CNNM2: variants seen among roughly 807,000 people sequenced by gnomAD.
CNNM2 encodes the protein cyclin and CBS domain divalent metal cation transport mediator 2.
In CNNM2, 12 loss-of-function variants were observed where a neutral mutation model predicts 66.9. That is an observed-to-expected ratio of 0.18 (90% confidence interval 0.11 to 0.29). The LOEUF (loss-of-function observed/expected upper bound fraction) is 0.29, where lower values mean the gene tolerates loss of function less well. Ranked by LOEUF, CNNM2 falls within the 10% of genes least tolerant of loss-of-function variation. CNNM2 has a pLI of 1.00. For missense variants in CNNM2, 705 were observed against 1,167.7 expected, an observed-to-expected ratio of 0.60 and a Z score of 5.77; for synonymous variants, 557 against 501.8, an observed-to-expected ratio of 1.11 and a Z score of -1.47.
intron 1 of CNNM2, among the ~76,000 whole-genome samples, chr10:102,926,494 C>T (rs908699189): frequency 3.3e-5 from 5 of 152,096 alleles, no homozygotes; most frequent in African/African-American, 9.7e-5. Flanking sequence ...ATATCATCAA[C>T]CAAGAAAACC....
intron 1 of CNNM2, among the ~76,000 whole-genome samples, chr10:103,028,637 G>T (rs2064753975): frequency 6.6e-6 from 1 of 151,950 alleles, no homozygotes; most frequent in Non-Finnish European, 1.5e-5. Context: ...ATTCCTCTGG[G>T]AAATGGTTGC....
At chr10:103,027,829 T>C (rs1354129883) in intron 1 of CNNM2, among the ~76,000 whole-genome samples, 1 of 152,178 alleles carries the variant, frequency 6.6e-6, no homozygotes, top group African/African-American at 2.4e-5. Flanking sequence ...CCAGGCACTA[T>C]TTAAATTGTT....
At chr10:103,056,660 A>G in intron 3 of CNNM2, 135 bp from the exon 4 acceptor site, 1 of 816,538 alleles carries the variant, frequency 1.2e-6, no homozygotes, top group Non-Finnish European at 2.0e-6. Context: ...TGGATCACCA[A>G]ACGGAAGCCT....
chr10:102,974,225 T>G (rs1460477376), intron 1 of CNNM2, among the ~76,000 whole-genome samples: 1 of 152,214 alleles, frequency 6.6e-6, no homozygotes, highest in East Asian at 1.9e-4. Flanking sequence ...ATCAGTCTTT[T>G]ACCCTAAACA....
rs190034820 is a variant in CNNM2 at position 103,042,135 on chromosome 10, A to G, written c.1622-7572A>G. ...GGCAGCTCTGTTCCTCTCATTGCTC[A>G]GGCCAAAAAGCAAGTCAGCCTGACT... On this transcript the variant is annotated intron_variant, in intron 1 of 7. Coordinates refer to ENST00000369878, the MANE Select transcript of CNNM2 (RefSeq NM_017649.5). Among the ~76,000 whole-genome samples the G allele has an allele frequency of 1.1e-3, 175 of 152,282 alleles. 1 individual carries two copies. The highest frequency in any genetic ancestry group is 4.0e-3 in the African/African-American group (168 of 41,556).
In CNNM2 at chr10:103,081,734, A is replaced by G. The variant is rs1590522268; in HGVS notation, c.*4554A>G. 6.6e-6 allele frequency: 1 copy of G among 152,126 alleles called. No homozygotes were observed. 9.4% of individuals were successfully genotyped at this position (152,126 alleles called of 1,614,324 possible). On this transcript the variant is annotated 3_prime_UTR_variant, in exon 8 of 8. Coordinates refer to ENST00000369878, the MANE Select transcript of CNNM2 (RefSeq NM_017649.5). ...AGCTTTCTGTCTGCGATCACGGTTT[A>G]CTTGCCCATTTCCCTTTTGCTACCT...
rs1247412563 is a variant in CNNM2 at position 103,083,167 on chromosome 10, T to G, written c.*5987T>G. ...CATGCATTTGAGCAGTGAAGTTTTC[T>G]GAACACAGTATTCAGAGCTGTGTAC... is the stretch of plus-strand genomic sequence containing the variant. On this transcript the variant is annotated 3_prime_UTR_variant, in exon 8 of 8. Transcript: ENST00000369878. 6.6e-6 allele frequency: 1 copy of G among 152,248 alleles called. No homozygotes were observed. Among genetic ancestry groups the G allele is most frequent in the Non-Finnish European group, 1.5e-5 (1 of 68,046 alleles). 9.4% of individuals were successfully genotyped at this position (152,248 alleles called of 1,614,324 possible).
At chr10:102,937,430 A>T (rs1846277390) in intron 1 of CNNM2, among the ~76,000 whole-genome samples, 1 of 152,214 alleles carries the variant, frequency 6.6e-6, no homozygotes, top group Admixed American at 6.5e-5. Flanking sequence ...TACTTTTAAC[A>T]TAAAGCTATA....
At chr10:103,004,995 T>G (rs1350310648) in intron 1 of CNNM2, among the ~76,000 whole-genome samples, 1 of 152,112 alleles carries the variant, frequency 6.6e-6, no homozygotes, top group African/African-American at 2.4e-5. Flanking sequence ...TTCTTTTTTT[T>G]TCCCCCCTCC....
chr10:103,027,645 A>G (rs1022876741), intron 1 of CNNM2: 1 of 152,228 alleles, frequency 6.6e-6, no homozygotes, highest in Non-Finnish European at 1.5e-5. Flanking sequence ...CCTACAATCT[A>G]TATTTTGAAA....
intron 5 of CNNM2, 84 bp from the exon 6 acceptor site, chr10:103,071,690 A>G (rs780181939): frequency 1.9e-6 from 2 of 1,031,542 alleles, no homozygotes; most frequent in Admixed American, 1.7e-5. Flanking sequence ...TGATAGAACA[A>G]GTATCCCCTC....
intron 1 of CNNM2, among the ~76,000 whole-genome samples, chr10:102,939,841 A>ACT (rs2134176836): frequency 6.6e-6 from 1 of 152,110 alleles, no homozygotes; most frequent in East Asian, 1.9e-4. Context: ...CGTGGCGCAC[A>ACT]CCTGTAATCC....
At chr10:103,046,704 C>A (rs1182889237) in intron 1 of CNNM2, among the ~76,000 whole-genome samples, 1 of 152,130 alleles carries the variant, frequency 6.6e-6, no homozygotes, top group Non-Finnish European at 1.5e-5. Flanking sequence ...CATGTCTAAT[C>A]AAGCTAAAAG....
At chr10:102,930,697 C>T (rs193176173) in intron 1 of CNNM2, among the ~76,000 whole-genome samples, 3 of 152,318 alleles carry the variant, frequency 2.0e-5, no homozygotes, top group Non-Finnish European at 2.9e-5. Context: ...TACCTCTTTG[C>T]AGTCACTTCT....
intron 1 of CNNM2, among the ~76,000 whole-genome samples, chr10:103,012,141 T>C (rs1005486094): frequency 6.6e-6 from 1 of 152,222 alleles, no homozygotes; most frequent in Non-Finnish European, 1.5e-5. Context: ...AAGAATTTCA[T>C]TGTTTACACA....
At chr10:103,058,170 A>G (rs1564865038) in intron 4 of CNNM2, among the ~76,000 whole-genome samples, 2 of 152,210 alleles carry the variant, frequency 1.3e-5, no homozygotes, top group Non-Finnish European at 1.5e-5. Flanking sequence ...TCTGTTTGCA[A>G]GTTTACTAAT....
Position 102,918,422 on chromosome 10 carries a change from G to C in CNNM2, c.-59G>C, listed in dbSNP as rs1048569859. Reference sequence around the variant, plus strand: ...CCGTTGCAGTCTCGCCCAGGGGCCGGTACCTGCGCTCGCGCCGCCGGGTTG... The same window carrying C: ...CCGTTGCAGTCTCGCCCAGGGGCCGCTACCTGCGCTCGCGCCGCCGGGTTG... On this transcript the variant is annotated 5_prime_UTR_variant, in exon 1 of 8. Coordinates refer to ENST00000369878, the MANE Select transcript of CNNM2 (RefSeq NM_017649.5). This position sits in a 1 kb window ranked among gnomAD's most constrained non-coding sequence, Gnocchi z 4.1. 5 of 1,562,796 alleles carry C rather than the reference G, an allele frequency of 3.2e-6. No individual in the cohort carries two copies. The East Asian group carries it at 7.0e-5, about 22-fold the overall frequency.
intron 1 of CNNM2, among the ~76,000 whole-genome samples, chr10:102,931,348 C>A (rs944533109): frequency 4.5e-5 from 6 of 133,454 alleles, no homozygotes; most frequent in African/African-American, 1.7e-4. Context: ...ACATGTATTT[C>A]CTTCTTTCTT....
At chr10:103,055,431 T>G (rs2065280167) in intron 3 of CNNM2, among the ~76,000 whole-genome samples, 1 of 152,230 alleles carries the variant, frequency 6.6e-6, no homozygotes, top group Admixed American at 6.5e-5. Flanking sequence ...AAATATAGCT[T>G]AATACAAAGT....
Sources: gnomAD v4.1 joint callset for allele counts (sites outside exome capture counted in the v4.1 genomes callset) on GRCh38, gnomAD v4.1.1 for gene constraint, Gnocchi (gnomAD v3.1) non-coding constraint, MANE v1.5 for transcripts, NCBI Gene and HGNC (gene_info 2026-07-23, HGNC 2026-07-21) for gene names.